Variants in EPHB2 observed in about 807,000 individuals in gnomAD.
EPHB2 encodes EPH receptor B2, also known as ephrin type-B receptor 2.
A neutral mutation model predicts 96.4 loss-of-function variants in EPHB2; 18 were observed. The ratio of observed to expected loss-of-function variants is 0.19; its 90% confidence interval spans 0.13 to 0.28. The LOEUF (loss-of-function observed/expected upper bound fraction) is 0.28, where lower values mean the gene tolerates loss of function less well. EPHB2 is among the 10% of genes least tolerant of loss of function. EPHB2 has a pLI of 1.00. For synonymous variants in EPHB2, 506 were observed against 534.1 expected (o/e 0.95, Z 0.72); for missense variants, 989 against 1,355.4 (o/e 0.73, Z 4.25).
intron 3 of EPHB2, among the ~76,000 whole-genome samples, chr1:22,845,704 C>T (rs1645531572): frequency 6.6e-6 from 1 of 152,086 alleles, no homozygotes; most frequent in East Asian, 1.9e-4. Context: ...TTCTCTCTCT[C>T]TCTTTACACA....
chr1:22,913,830 A>G lies in EPHB2; in HGVS notation c.*260A>G. ...ATACAAGGAATATTTTTTAAAGAGG[A>G]TTCTCATAAGGAAAGCAATGACTGT... On this transcript the variant is annotated 3_prime_UTR_variant, in exon 16 of 16. Transcript: ENST00000374630. The surrounding 1 kb of genome is among the most constrained non-coding windows in gnomAD (Gnocchi z 4.1). 6.2e-7 allele frequency: 1 copy of G among 1,610,584 alleles called. No homozygotes were observed. Among genetic ancestry groups the G allele is most frequent in the African/African-American group, 1.3e-5 (1 of 74,872 alleles).
At chr1:22,896,364 C>T (rs767263348) in intron 8 of EPHB2, 50 bp from the exon 9 acceptor site, 1 of 1,612,816 alleles carries the variant, frequency 6.2e-7, no homozygotes, top group Non-Finnish European at 8.5e-7. Context: ...TGGCTCCCAG[C>T]TCCCTGGGCG....
At chr1:22,789,853 A>G (rs1028183403) in intron 3 of EPHB2, among the ~76,000 whole-genome samples, 10 of 152,196 alleles carry the variant, frequency 6.6e-5, no homozygotes, top group Non-Finnish European at 1.5e-4. Flanking sequence ...TGGAAGAGGT[A>G]TCATTGAGCT....
chr1:22,868,821 A>G (rs908503), intron 5 of EPHB2, among the ~76,000 whole-genome samples: 139,044 of 152,178 alleles, frequency 0.91, 64,776 homozygotes, highest in East Asian at 1. Context: ...TCATTGTTCT[A>G]ATCTACCATG....
chr1:22,845,557 G>T (rs1038077679), intron 3 of EPHB2, among the ~76,000 whole-genome samples: 4 of 152,116 alleles, frequency 2.6e-5, no homozygotes, highest in Admixed American at 2.0e-4. Context: ...TTGTCTGTGG[G>T]TGCTAGAGCT....
In EPHB2 at chr1:22,773,923, T is replaced by C. The variant is rs140935814; in HGVS notation, c.62-7498T>C. Reference sequence around the variant, plus strand: ...CTTGAACAACCTCTCCAAACTTTGATTTCTCCATCTGTAAAGGGAGATCCT... The same window carrying C: ...CTTGAACAACCTCTCCAAACTTTGACTTCTCCATCTGTAAAGGGAGATCCT... On this transcript the variant is annotated intron_variant, in intron 1 of 15. Transcript: ENST00000374630. 3.6e-3 allele frequency among the ~76,000 whole-genome samples: 556 copies of C among 152,332 alleles called. 4 individuals carry two copies. Among genetic ancestry groups the C allele is most frequent in the African/African-American group, 0.012 (509 of 41,572 alleles).
At chr1:22,814,246 C>T (rs1231099326) in intron 3 of EPHB2, among the ~76,000 whole-genome samples, 1 of 152,150 alleles carries the variant, frequency 6.6e-6, no homozygotes. Context: ...TTACTGAGGA[C>T]CCATTGAGTG....
At position 22,784,828 on chromosome 1, in the gene EPHB2, T is replaced by C. The variant is rs756004468; in HGVS notation, c.563T>C (p.Ile188Thr). The C allele has an allele frequency of 6.2e-7, 1 of 1,603,698 alleles. No individual in the cohort carries two copies. Among genetic ancestry groups the C allele is most frequent in the Non-Finnish European group, 8.5e-7 (1 of 1,173,752 alleles). ...FQDYGGCMSL[I>T]AVRVFYRKCP... ...GACTATGGCGGCTGCATGTCCCTCATCGCCGTGCGTGTCTTCTACCGCAAG... is the reference window on the plus strand; with the variant it reads ...GACTATGGCGGCTGCATGTCCCTCACCGCCGTGCGTGTCTTCTACCGCAAG... The change falls in exon 3 of 16, where the codon ATC (isoleucine) becomes ACC (threonine). Residue 188 changes from isoleucine to threonine, a missense_variant. Coordinates refer to ENST00000374630, the MANE Select transcript of EPHB2 (RefSeq NM_017449.5). The surrounding 1 kb of genome is among the most constrained non-coding windows in gnomAD (Gnocchi z 5.1).
At chr1:22,768,816 C>T (rs2148403969) in intron 1 of EPHB2, among the ~76,000 whole-genome samples, 1 of 151,714 alleles carries the variant, frequency 6.6e-6, no homozygotes, top group South Asian at 2.1e-4. Flanking sequence ...TTTGTACAAG[C>T]TGTTCTTTCT....
At chr1:22,806,011 G>T (rs1307818621) in intron 3 of EPHB2, among the ~76,000 whole-genome samples, 2 of 152,182 alleles carry the variant, frequency 1.3e-5, no homozygotes, top group East Asian at 3.9e-4. Flanking sequence ...AGCCCTAATT[G>T]TGCAGGTGGG....
chr1:22,810,829 G>A (rs1280445775), intron 3 of EPHB2, among the ~76,000 whole-genome samples: 2 of 152,100 alleles, frequency 1.3e-5, no homozygotes, highest in Admixed American at 6.5e-5. Context: ...CCCCAAGGCC[G>A]GGAAAGAAGT....
At chr1:22,836,338 C>T (rs1426954737) in intron 3 of EPHB2, among the ~76,000 whole-genome samples, 1 of 152,240 alleles carries the variant, frequency 6.6e-6, no homozygotes, top group African/African-American at 2.4e-5. Context: ...ACAAGGAGTG[C>T]GCCGAGGCCC....
chr1:22,832,500 C>T (rs1645321561), intron 3 of EPHB2, among the ~76,000 whole-genome samples: 1 of 152,148 alleles, frequency 6.6e-6, no homozygotes, highest in Non-Finnish European at 1.5e-5. Context: ...GGGACTTGTT[C>T]AGAATCACAC....
Position 22,892,928 on chromosome 1 carries a change from C to G in EPHB2, c.1473C>G (p.Asn491Lys). The G allele has an allele frequency of 6.2e-7, 1 of 1,614,238 alleles. No homozygotes were observed. Among genetic ancestry groups the G allele is most frequent in the South Asian group, 1.1e-5 (1 of 91,086 alleles). ...YNATAIKSPT[N>K]TVTVQGLKAG... ...CCACAGCCATAAAAAGCCCCACCAACACGGTCACCGTGCAGGGCCTCAAAG... is the reference window on the plus strand; with the variant it reads ...CCACAGCCATAAAAAGCCCCACCAAGACGGTCACCGTGCAGGGCCTCAAAG... Residue 491 changes from asparagine (N) to lysine (K), a missense_variant, in exon 7 of 16, where the codon AAC (asparagine) becomes AAG (lysine). Asn to Lys is a moderately conservative substitution (Grantham distance 94). Transcript: ENST00000374630.
chr1:22,781,318 TAAAAA>T (rs71020449), intron 1 of EPHB2, 98 bp from the exon 2 acceptor site: 492 of 890,106 alleles, frequency 5.5e-4, no homozygotes, highest in Non-Finnish European at 6.7e-4. Context: ...AGACTCCGTC[TAAAAA>T]AAAAAAAAAA....
chr1:22,902,349 C>T (rs548179314), intron 9 of EPHB2, among the ~76,000 whole-genome samples: 29 of 152,326 alleles, frequency 1.9e-4, no homozygotes, highest in Non-Finnish European at 2.8e-4. Flanking sequence ...AGTAAATCTA[C>T]GCTGAATGTA....
At chr1:22,796,231 C>T (rs1009784988) in intron 3 of EPHB2, among the ~76,000 whole-genome samples, 3 of 152,082 alleles carry the variant, frequency 2.0e-5, no homozygotes, top group African/African-American at 7.2e-5. Flanking sequence ...GTGATTAGGA[C>T]GACGGGGAGA....
chr1:22,904,491 A>C (rs752384832), intron 9 of EPHB2, among the ~76,000 whole-genome samples: 30 of 152,222 alleles, frequency 2.0e-4, no homozygotes, highest in Admixed American at 3.9e-4. Context: ...CCTACTGCTC[A>C]TACTTAGGAC....
chr1:22,776,539 A>G (rs766553167), intron 1 of EPHB2, among the ~76,000 whole-genome samples: 2 of 152,252 alleles, frequency 1.3e-5, no homozygotes, highest in Non-Finnish European at 2.9e-5. Flanking sequence ...AGGCAGCTCG[A>G]GGGAGCCCAG....
Sources: allele counts gnomAD v4.1 joint callset (sites outside exome capture counted in the v4.1 genomes callset), GRCh38; gene constraint gnomAD v4.1.1; non-coding constraint Gnocchi (gnomAD v3.1); transcripts MANE v1.5; gene names NCBI Gene and HGNC (gene_info 2026-07-23, HGNC 2026-07-21).